Variants in HSD17B4 observed in about 807,000 individuals in gnomAD.
HSD17B4 encodes the protein peroxisomal multifunctional enzyme type 2.
Under a neutral mutation model 101.0 loss-of-function variants are expected in HSD17B4, and 70 were observed. The ratio of observed to expected loss-of-function variants is 0.69; its 90% CI spans 0.57 to 0.85. The LOEUF is 0.85. Among genes scored for constraint, HSD17B4 ranks in the 40% least tolerant of loss-of-function variants. HSD17B4 has a pLI of 0.00. For synonymous variants in HSD17B4, 347 were observed against 297.1 expected (o/e 1.17, Z -1.73); for missense variants, 984 against 892.4 (o/e 1.10, Z -1.31).
At chr5:119,510,082 C>A (rs1248396979) in intron 16 of HSD17B4, among the ~76,000 whole-genome samples, 1 of 152,116 alleles carries the variant, frequency 6.6e-6, no homozygotes, top group Non-Finnish European at 1.5e-5. Context: ...AGCATAGAGA[C>A]TTGGTAATAC....
chr5:119,537,624 A>G (rs909442189), intron 23 of HSD17B4, among the ~76,000 whole-genome samples: 1 of 152,124 alleles, frequency 6.6e-6, no homozygotes, highest in Admixed American at 6.6e-5. Flanking sequence ...AAGCCTGAGT[A>G]TAGTGTTAGA....
At chr5:119,516,821 C>A (rs1752651272) in intron 17 of HSD17B4, among the ~76,000 whole-genome samples, 2 of 152,232 alleles carry the variant, frequency 1.3e-5, no homozygotes, top group South Asian at 4.1e-4. Flanking sequence ...ACTAGGGCAC[C>A]TATTCCAAGC....
intron 6 of HSD17B4, 128 bp from the exon 7 acceptor site, chr5:119,477,289 A>C: frequency 2.9e-6 from 2 of 686,768 alleles, no homozygotes; most frequent in Admixed American, 4.4e-5. Flanking sequence ...TTGGGGTGTG[A>C]CAGTAGGCAA....
intron 16 of HSD17B4, among the ~76,000 whole-genome samples, chr5:119,511,569 C>G (rs1458648444): frequency 6.6e-6 from 1 of 151,718 alleles, no homozygotes; most frequent in Non-Finnish European, 1.5e-5. Context: ...GGTATGATAC[C>G]AAAAGAGGCA....
chr5:119,468,273 C>G (rs1226063850), intron 2 of HSD17B4, among the ~76,000 whole-genome samples: 1 of 152,122 alleles, frequency 6.6e-6, no homozygotes, highest in African/African-American at 2.4e-5. Flanking sequence ...GTAGGACTCC[C>G]ATAAGCATTT....
chr5:119,495,242 G>C (rs1480686916), intron 11 of HSD17B4, among the ~76,000 whole-genome samples: 2 of 150,428 alleles, frequency 1.3e-5, no homozygotes, highest in Non-Finnish European at 3.0e-5. Flanking sequence ...GAAAAGTATA[G>C]GAAAAACTTT....
rs1267984600 is a variant in HSD17B4, at chr5:119,456,967, T to G, written c.112+599T>G. Reference sequence around the variant, plus strand: ...TCTAAAGTATGGGTTTCTTGACTCTTTCATCAAAACTTTTCAGCTGGAAGT... The same window carrying G: ...TCTAAAGTATGGGTTTCTTGACTCTGTCATCAAAACTTTTCAGCTGGAAGT... On this transcript the variant is annotated intron_variant, in intron 2 of 23. Coordinates refer to ENST00000510025, the MANE Select transcript of HSD17B4 (RefSeq NM_000414.4). Among the ~76,000 whole-genome samples the G allele has an allele frequency of 3.3e-5, 5 of 152,318 alleles. No individual in the cohort carries two copies. The South Asian group carries it at 1.0e-3, about 32-fold the overall frequency.
At position 119,536,421 on chromosome 5, in the gene HSD17B4, A is replaced by G. The variant is rs1554069592; in HGVS notation, c.1994-2A>G. On this transcript the variant is annotated splice_acceptor_variant, in intron 22 of 23. Coordinates refer to ENST00000510025, the MANE Select transcript of HSD17B4 (RefSeq NM_000414.4). LOFTEE classifies it high-confidence loss of function. ...ACATTGGTTTCTTCCTATTTTTCCC[A>G]GCTATTGACCTGAAAAGTGGTTCTG... The G allele has an allele frequency of 6.2e-7, 1 of 1,612,064 alleles. No individual in the cohort carries two copies. Among genetic ancestry groups the G allele is most frequent in the Non-Finnish European group, 8.5e-7 (1 of 1,178,474 alleles).
chr5:119,525,387 AT>A, intron 18 of HSD17B4, 102 bp downstream of exon 18: 1 of 758,848 alleles, frequency 1.3e-6, no homozygotes, highest in Non-Finnish European at 2.3e-6. Context: ...TTTGAGTAGC[AT>A]TTAAAAAAAT....
At chr5:119,517,671 C>T (rs1298150393) in intron 17 of HSD17B4, among the ~76,000 whole-genome samples, 1 of 152,212 alleles carries the variant, frequency 6.6e-6, no homozygotes, top group Non-Finnish European at 1.5e-5. Context: ...CAGTCAGCAC[C>T]CTGTGTCTAG....
At position 119,531,157 on chromosome 5, in the gene HSD17B4, T is replaced by G. The variant is rs563398510; in HGVS notation, c.1855-109T>G. The G allele has an allele frequency of 3.1e-5, 33 of 1,058,776 alleles. No individual in the cohort carries two copies. The Admixed American group carries it at 6.1e-4, about 20-fold the overall frequency. The allele number at this position is 1,058,776 out of a possible 1,614,324, so 65.6% of individuals were successfully genotyped here. ...GACACATTGTATGAAGAAAACTGAC[T>G]TATGTACAGAGTTTTAAAAAATCTT... On this transcript the variant is annotated intron_variant, in intron 21 of 23. Transcript: ENST00000510025.
At chr5:119,489,465 A>G (rs1426762888) in intron 9 of HSD17B4, among the ~76,000 whole-genome samples, 182 bp downstream of exon 9, 1 of 152,170 alleles carries the variant, frequency 6.6e-6, no homozygotes, top group African/African-American at 2.4e-5. Flanking sequence ...GTTTTTACTT[A>G]GTTCTACATT....
Position 119,529,992 on chromosome 5 carries a change from A to G in HSD17B4, c.1854+12A>G, listed in dbSNP as rs1753922633. The G allele has an allele frequency of 6.6e-7, 1 of 1,508,190 alleles. No homozygotes were observed. Among genetic ancestry groups the G allele is most frequent in the Admixed American group, 1.7e-5 (1 of 59,838 alleles). 93.4% of individuals were successfully genotyped at this position (1,508,190 alleles called of 1,614,324 possible). A position where few individuals can be genotyped will look rare whatever the true frequency, so the allele number is the denominator to read the frequency against. ...AGACACCCTCTGAGGTAGGTTATAA[A>G]AATTAGTATCCAAGCCACTTCCTCA... On this transcript the variant is annotated intron_variant, in intron 21 of 23. Coordinates refer to ENST00000510025, the MANE Select transcript of HSD17B4 (RefSeq NM_000414.4).
At chr5:119,498,262 C>T (rs985978853) in intron 12 of HSD17B4, among the ~76,000 whole-genome samples, 4 of 152,120 alleles carry the variant, frequency 2.6e-5, no homozygotes, top group African/African-American at 9.7e-5. Flanking sequence ...GATTTTTCCT[C>T]AAAATAAGGG....
chr5:119,527,166 ACT>A lies in HSD17B4; in HGVS notation c.1717_1718del (p.Leu573ThrfsTer3), dbSNP rs1057516936. 5 of 1,610,054 alleles carry A rather than the reference ACT, an allele frequency of 3.1e-6. No individual in the cohort carries two copies. The highest frequency in any genetic ancestry group is 4.2e-6 in the Non-Finnish European group (5 of 1,176,870). On this transcript the variant is annotated frameshift_variant, in exon 20 of 24. Transcript: ENST00000510025. LOFTEE classifies it high-confidence loss of function. ...RFAKPVYPGQ[T>X]LQTEMWKEGN... Reference sequence around the variant, plus strand: ...TGCAAAACCAGTATATCCAGGACAAACTCTACAAACTGAGATGTGGAAGGAAG... The same window carrying A: ...TGCAAAACCAGTATATCCAGGACAAACTACAAACTGAGATGTGGAAGGAAG...
At chr5:119,501,298 C>T (rs1301100486) in intron 13 of HSD17B4, among the ~76,000 whole-genome samples, 1 of 151,510 alleles carries the variant, frequency 6.6e-6, no homozygotes, top group African/African-American at 2.4e-5. Flanking sequence ...TCAACCACCT[C>T]CCCTTCTTCT....
At chr5:119,538,313 C>A (rs1176813261) in intron 23 of HSD17B4, among the ~76,000 whole-genome samples, 1 of 152,130 alleles carries the variant, frequency 6.6e-6, no homozygotes, top group Non-Finnish European at 1.5e-5. Context: ...TTGAATTCAT[C>A]TTCTCTTCCT....
At chr5:119,529,559 C>G (rs1012434468) in intron 20 of HSD17B4, among the ~76,000 whole-genome samples, 9 of 146,348 alleles carry the variant, frequency 6.1e-5, no homozygotes, top group African/African-American at 2.4e-5. Context: ...CACTTCCCCC[C>G]CAAAAAATGC....
intron 1 of HSD17B4, among the ~76,000 whole-genome samples, chr5:119,456,051 A>T (rs1754605762): frequency 6.6e-6 from 1 of 152,186 alleles, no homozygotes; most frequent in South Asian, 2.1e-4. Flanking sequence ...AGATGGTGGA[A>T]CCCAATTCAC....
Sources: allele counts gnomAD v4.1 joint callset (sites outside exome capture counted in the v4.1 genomes callset), GRCh38; gene constraint gnomAD v4.1.1; transcripts MANE v1.5; gene names NCBI Gene and HGNC (gene_info 2026-07-23, HGNC 2026-07-21).